Variants in FBRSL1 observed in about 807,000 individuals in gnomAD.
FBRSL1 encodes fibrosin like 1, also known as fibrosin-1-like protein.
A neutral mutation model predicts 89.6 loss-of-function variants in FBRSL1; 51 were observed. The ratio of observed to expected loss-of-function variants is 0.57; its 90% CI spans 0.45 to 0.72. FBRSL1 has a LOEUF of 0.72. Among genes scored for constraint, FBRSL1 ranks in the 30% least tolerant of loss-of-function variants. The pLI is 0.00. For synonymous variants in FBRSL1, 779 were observed against 681.1 expected, an observed-to-expected ratio of 1.14 and a Z score of -2.24; for missense variants, 1,618 against 1,451.8, an observed-to-expected ratio of 1.11 and a Z score of -1.86.
intron 14 of FBRSL1, among the ~76,000 whole-genome samples, chr12:132,576,491 C>T (rs1050140505): frequency 1.3e-5 from 2 of 152,188 alleles, no homozygotes; most frequent in African/African-American, 4.8e-5. Context: ...CCGTGCCTGG[C>T]CTTAACTTTT....
In FBRSL1 at chr12:132,571,288, C is replaced by T. The variant is rs2039991969; in HGVS notation, c.1377+57C>T. Reference sequence around the variant, plus strand: ...GCGGCCAACGTGCCTCTCTGTCTCTCTCTCTTTTTCTCTTGTAGATCACGA... The same window carrying T: ...GCGGCCAACGTGCCTCTCTGTCTCTTTCTCTTTTTCTCTTGTAGATCACGA... On this transcript the variant is annotated intron_variant, in intron 9 of 18. Transcript: ENST00000680143. 2.0e-6 allele frequency: 3 copies of T among 1,511,458 alleles called. No homozygotes were observed. The African/African-American group carries it at 4.2e-5, about 21-fold the overall frequency. The allele number at this position is 1,511,458 out of a possible 1,614,324, so 93.6% of individuals were successfully genotyped here.
At chr12:132,494,687 C>T (rs1177711523) in intron 1 of FBRSL1, among the ~76,000 whole-genome samples, 2 of 152,246 alleles carry the variant, frequency 1.3e-5, no homozygotes, top group African/African-American at 2.4e-5. Context: ...TCACTTTCAC[C>T]TGGTGACTTT....
rs1376648329 is a variant in FBRSL1, at chr12:132,584,066, C to CGTCTA, written c.*290_*291insCTAGT. 1 of 169,990 alleles carries CGTCTA rather than the reference C, an allele frequency of 5.9e-6. No homozygotes were observed. The highest frequency in any genetic ancestry group is 1.3e-5 in the Non-Finnish European group (1 of 79,990). The allele number at this position is 169,990 out of a possible 1,614,324, so 10.5% of individuals were successfully genotyped here. A position where few individuals can be genotyped will look rare whatever the true frequency, so the allele number is the denominator to read the frequency against. On this transcript the variant is annotated 3_prime_UTR_variant, in exon 19 of 19. Transcript: ENST00000680143. Reference sequence around the variant, plus strand: ...TTTTCTTAATTTTATGCTCTTTAGACGTTTAAAAGAACCAAAAAAGAAACT... The same window carrying CGTCTA: ...TTTTCTTAATTTTATGCTCTTTAGACGTCTAGTTTAAAAGAACCAAAAAAGAAACT...
chr12:132,571,570 C>A, intron 9 of FBRSL1: 1 of 1,251,140 alleles, frequency 8.0e-7, no homozygotes, highest in Non-Finnish European at 1.0e-6. Context: ...GGGCGTGGGG[C>A]GGGGACACGC....
intron 9 of FBRSL1, 56 bp from the exon 10 acceptor site, chr12:132,572,232 G>C: frequency 2.0e-6 from 3 of 1,511,512 alleles, no homozygotes; most frequent in Non-Finnish European, 2.7e-6. Context: ...CGGGGCCCGG[G>C]GCCCAGCAAC....
At chr12:132,566,152 ATGGCAGAGTCCCTGTGAGGGCTTCC>A (rs2039597376) in intron 5 of FBRSL1, 1 of 152,118 alleles carries the variant, frequency 6.6e-6, no homozygotes, top group Non-Finnish European at 1.5e-5. Flanking sequence ...AGGTCAAGGC[ATGGCAGAGTCCCTGTGAGGGCTTCC>A]TGGTCCATAG....
At chr12:132,512,619 C>T (rs1161463608) in intron 2 of FBRSL1, among the ~76,000 whole-genome samples, 1 of 152,222 alleles carries the variant, frequency 6.6e-6, no homozygotes, top group African/African-American at 2.4e-5. Flanking sequence ...ACTTTCAGGC[C>T]CCTGCCCCTA....
intron 5 of FBRSL1, among the ~76,000 whole-genome samples, chr12:132,562,223 G>C (rs1180172867): frequency 2.0e-5 from 3 of 152,166 alleles, no homozygotes; most frequent in African/African-American, 7.2e-5. Flanking sequence ...GGCGAGCAGA[G>C]AGGAGAAAGC....
intron 1 of FBRSL1, among the ~76,000 whole-genome samples, chr12:132,493,525 C>G (rs895000255): frequency 2.6e-5 from 4 of 152,180 alleles, no homozygotes; most frequent in African/African-American, 9.6e-5. Context: ...TGGGGCAGAC[C>G]CCCACTCGCA....
chr12:132,509,521 T>G, intron 2 of FBRSL1: 1 of 1,235,310 alleles, frequency 8.1e-7, no homozygotes, highest in South Asian at 4.1e-5. Context: ...CATTGGGCAC[T>G]CCCAGGCCCC....
In FBRSL1 at chr12:132,582,114, G is replaced by A. The variant is rs1323033684; in HGVS notation, c.2049G>A (p.Leu683=). The part of the protein sequence containing the change: ...APKEGSSVHG[L]PSPHEAWNRL... ...AGGAGGGCTCCTCCGTGCACGGCCT[G>A]CCCAGCCCCCATGAGGCCTGGAACC... The change falls in exon 18 of 19, where the codon CTG becomes CTA. Residue 683 remains leucine, a synonymous_variant. Transcript: ENST00000680143. 122 of 1,549,766 alleles carry A rather than the reference G, an allele frequency of 7.9e-5. 1 individual carries two copies. The East Asian group carries it at 2.9e-3, about 37-fold the overall frequency.
chr12:132,508,658 G>A (rs1206298413), intron 2 of FBRSL1, among the ~76,000 whole-genome samples: 1 of 152,248 alleles, frequency 6.6e-6, no homozygotes, highest in Admixed American at 6.5e-5. Context: ...TTTCCCTGCC[G>A]TGTCCATCAG....
At chr12:132,517,760 C>T (rs1307078821) in intron 2 of FBRSL1, among the ~76,000 whole-genome samples, 1 of 152,168 alleles carries the variant, frequency 6.6e-6, no homozygotes, top group African/African-American at 2.4e-5. Context: ...CAGAGGGAAA[C>T]CACTGAGGGT....
In FBRSL1 at chr12:132,490,585, C is replaced by G; in HGVS notation, c.15C>G (p.Val5=). Reference sequence around the variant, plus strand: ...CACGCGCGGCCATGGAGGCCAAGGTCCGCCCGAGCCGGCGCTCGCGCGCGC... The same window carrying G: ...CACGCGCGGCCATGGAGGCCAAGGTGCGCCCGAGCCGGCGCTCGCGCGCGC... MEAK[V]RPSRRSRAQR... Residue 5 remains valine (V), a synonymous_variant, in exon 1 of 19, where the codon GTC becomes GTG. Coordinates refer to ENST00000680143, the MANE Select transcript of FBRSL1 (RefSeq NM_001367871.1). 1 of 982,452 alleles carries G rather than the reference C, an allele frequency of 1.0e-6. No individual in the cohort carries two copies. Among genetic ancestry groups the G allele is most frequent in the Non-Finnish European group, 1.2e-6 (1 of 829,298 alleles). 60.9% of individuals were successfully genotyped at this position (982,452 alleles called of 1,614,324 possible).
In FBRSL1 at chr12:132,580,877, G is replaced by GGGCCCA. The variant is rs1302585646; in HGVS notation, c.1835-556_1835-551dup. 1.0e-5 allele frequency: 10 copies of GGGCCCA among 985,280 alleles called. 1 individual carries two copies. The South Asian group carries it at 2.8e-4, about 28-fold the overall frequency. 61.0% of individuals were successfully genotyped at this position (985,280 alleles called of 1,614,324 possible). ...CCTGCAGCAGCCCCTCCCAGGGCCC[G>GGGCCCA]GGCCCAGGCCCCACACGGTTGCTCT... On this transcript the variant is annotated intron_variant, in intron 15 of 18. Coordinates refer to ENST00000680143, the MANE Select transcript of FBRSL1 (RefSeq NM_001367871.1).
chr12:132,570,795 GGGCCTCCCCTCCTGGGGCCA>G lies in FBRSL1; in HGVS notation c.1214-263_1214-244del, dbSNP rs548477780. ...CGTGTTCACACTGAGACGGGCGCAC[GGGCCTCCCCTCCTGGGGCCA>G]GGCCTCCCCCGCAGCCTGCTGGGTC... is the stretch of plus-strand genomic sequence containing the variant. On this transcript the variant is annotated intron_variant, in intron 8 of 18. Transcript: ENST00000680143. 1.7e-3 allele frequency among the ~76,000 whole-genome samples: 263 copies of G among 152,332 alleles called. 1 individual carries two copies. Among genetic ancestry groups the G allele is most frequent in the African/African-American group, 6.0e-3 (250 of 41,572 alleles).
At chr12:132,515,637 C>T (rs1221780717) in intron 2 of FBRSL1, among the ~76,000 whole-genome samples, 1 of 152,002 alleles carries the variant, frequency 6.6e-6, no homozygotes, top group Non-Finnish European at 1.5e-5. Context: ...CGGTGGCTCA[C>T]GCCTGTAATC....
At chr12:132,548,330 G>A (rs1192845840) in intron 5 of FBRSL1, among the ~76,000 whole-genome samples, 2 of 152,130 alleles carry the variant, frequency 1.3e-5, no homozygotes, top group Non-Finnish European at 2.9e-5. Flanking sequence ...CCATGGGGTC[G>A]AGCACATCAG....
chr12:132,513,926 C>T (rs1173020428), intron 2 of FBRSL1, among the ~76,000 whole-genome samples: 2 of 152,166 alleles, frequency 1.3e-5, no homozygotes, highest in East Asian at 1.9e-4. Flanking sequence ...CCAGCATCCA[C>T]GCCTGGTGTG....
Sources: gnomAD v4.1 joint callset for allele counts (sites outside exome capture counted in the v4.1 genomes callset) on GRCh38, gnomAD v4.1.1 for gene constraint, MANE v1.5 for transcripts, NCBI Gene and HGNC (gene_info 2026-07-23, HGNC 2026-07-21) for gene names.